NEGR1: variants seen among roughly 807,000 people sequenced by gnomAD.
The protein encoded by NEGR1 is IgLON family member 4.
NEGR1 carries 10 observed loss-of-function variants against 40.9 expected under a neutral mutation model. That is an observed-to-expected ratio of 0.24 (90% CI 0.15 to 0.42). The LOEUF (loss-of-function observed/expected upper bound fraction) is 0.42, where lower values mean the gene tolerates loss of function less well. Among genes scored for constraint, NEGR1 ranks in the 10% least tolerant of loss-of-function variants. NEGR1 has a pLI of 1.00. For missense variants in NEGR1, 352 were observed against 438.9 expected (o/e 0.80, Z 1.77); for synonymous variants, 185 against 166.8 (o/e 1.11, Z -0.84).
At chr1:71,466,689 G>A (rs1418808664) in intron 6 of NEGR1, among the ~76,000 whole-genome samples, 1 of 152,094 alleles carries the variant, frequency 6.6e-6, no homozygotes. Flanking sequence ...CTGAGGTGGA[G>A]CATGTTTGGC....
chr1:72,087,395 C>A (rs1011982381), intron 1 of NEGR1, among the ~76,000 whole-genome samples: 1 of 151,674 alleles, frequency 6.6e-6, no homozygotes, highest in Non-Finnish European at 1.5e-5. Flanking sequence ...TGCGCCACTG[C>A]ACTCCAGCTT....
chr1:71,776,518 G>A lies in NEGR1; in HGVS notation c.410-221C>T, dbSNP rs190495666. Reference sequence around the variant, plus strand: ...AATTTTTGGATGTTAAATACCTCAGGATAAATGGAATATTTAATAACAAAA... The same window carrying A: ...AATTTTTGGATGTTAAATACCTCAGAATAAATGGAATATTTAATAACAAAA... On this transcript the variant is annotated intron_variant, in intron 2 of 6. Coordinates refer to ENST00000357731, the MANE Select transcript of NEGR1 (RefSeq NM_173808.3). Among the ~76,000 whole-genome samples the A allele has an allele frequency of 1.4e-3, 207 of 152,054 alleles. 1 individual carries two copies. The highest frequency in any genetic ancestry group is 0.01 in the Middle Eastern group (3 of 294).
intron 6 of NEGR1, among the ~76,000 whole-genome samples, chr1:71,512,338 A>G (rs1055231034): frequency 6.6e-6 from 1 of 152,198 alleles, no homozygotes; most frequent in South Asian, 2.1e-4. Flanking sequence ...GTGAAAATGG[A>G]AGCAGATTAT....
chr1:72,243,494 GT>G (rs143246929), intron 1 of NEGR1, among the ~76,000 whole-genome samples: 2,047 of 151,798 alleles, frequency 0.013, 26 homozygotes, highest in Non-Finnish European at 0.022. Flanking sequence ...TAAAATAAAA[GT>G]TGGAAATAAA....
chr1:71,535,741 AGAT>A (rs1279888357), intron 6 of NEGR1, among the ~76,000 whole-genome samples: 1 of 151,714 alleles, frequency 6.6e-6, no homozygotes, highest in East Asian at 2.0e-4. Context: ...TACAGGCAGT[AGAT>A]GATGACAGTC....
At chr1:72,007,493 C>A (rs1413380706) in intron 1 of NEGR1, among the ~76,000 whole-genome samples, 2 of 152,042 alleles carry the variant, frequency 1.3e-5, no homozygotes, top group African/African-American at 4.8e-5. Context: ...AGCCAGGGTG[C>A]CCCTGAAGAA....
At chr1:71,436,294 A>C (rs1646509353) in intron 6 of NEGR1, among the ~76,000 whole-genome samples, 1 of 152,126 alleles carries the variant, frequency 6.6e-6, no homozygotes, top group Non-Finnish European at 1.5e-5. Context: ...TTTAAGAACT[A>C]ATAGATATCA....
chr1:72,104,831 A>C (rs1649074655), intron 1 of NEGR1, among the ~76,000 whole-genome samples: 1 of 152,150 alleles, frequency 6.6e-6, no homozygotes, highest in Non-Finnish European at 1.5e-5. Context: ...AAAACAATTA[A>C]ATTGTCATTT....
intron 2 of NEGR1, among the ~76,000 whole-genome samples, chr1:71,818,920 C>A (rs915171065): frequency 6.6e-6 from 1 of 151,830 alleles, no homozygotes; most frequent in Non-Finnish European, 1.5e-5. Context: ...TTTGAAAGTA[C>A]CTATGTGGCT....
chr1:71,499,224 A>G (rs1260826039), intron 6 of NEGR1, among the ~76,000 whole-genome samples: 1 of 152,004 alleles, frequency 6.6e-6, no homozygotes, highest in Non-Finnish European at 1.5e-5. Context: ...ATATCTTTCC[A>G]TATGTATAAG....
At chr1:71,590,431 T>C (rs1329076236) in intron 6 of NEGR1, among the ~76,000 whole-genome samples, 1 of 152,028 alleles carries the variant, frequency 6.6e-6, no homozygotes, top group African/African-American at 2.4e-5. Context: ...TGCTTGACTG[T>C]TTCTCACTTC....
intron 1 of NEGR1, among the ~76,000 whole-genome samples, chr1:72,232,400 A>G (rs1654396436): frequency 6.6e-6 from 1 of 151,960 alleles, no homozygotes; most frequent in African/African-American, 2.4e-5. Flanking sequence ...TTAATTTACA[A>G]TCAAGCATAC....
At chr1:71,955,275 C>T (rs909960737) in intron 1 of NEGR1, among the ~76,000 whole-genome samples, 1 of 151,898 alleles carries the variant, frequency 6.6e-6, no homozygotes, top group Non-Finnish European at 1.5e-5. Flanking sequence ...ATGTGGCCTA[C>T]CAAAAAATAT....
intron 6 of NEGR1, among the ~76,000 whole-genome samples, chr1:71,483,510 G>A (rs1432808906): frequency 6.6e-6 from 1 of 151,692 alleles, no homozygotes; most frequent in East Asian, 1.9e-4. Context: ...CTCCAATGAG[G>A]CATTTGTGTG....
intron 2 of NEGR1, among the ~76,000 whole-genome samples, chr1:71,857,183 C>T (rs1047625812): frequency 1.3e-5 from 2 of 151,958 alleles, no homozygotes; most frequent in African/African-American, 4.8e-5. Context: ...ACAATATAGA[C>T]TTCATTGCTG....
intron 2 of NEGR1, among the ~76,000 whole-genome samples, chr1:71,791,833 A>T (rs1467795579): frequency 2.0e-5 from 3 of 152,114 alleles, no homozygotes; most frequent in African/African-American, 7.2e-5. Flanking sequence ...TGGAGAGGAG[A>T]ATCAGAAAAG....
At chr1:71,415,804 T>C (rs969220095) in intron 6 of NEGR1, among the ~76,000 whole-genome samples, 4 of 152,168 alleles carry the variant, frequency 2.6e-5, no homozygotes, top group Non-Finnish European at 5.9e-5. Context: ...ACAGGTTATT[T>C]TGTATGACCC....
At chr1:71,469,990 T>G (rs949367773) in intron 6 of NEGR1, among the ~76,000 whole-genome samples, 6 of 152,102 alleles carry the variant, frequency 3.9e-5, no homozygotes, top group African/African-American at 1.4e-4. Flanking sequence ...AAGTAAAGTC[T>G]TTTTAGTCTT....
chr1:72,019,879 T>C lies in NEGR1; in HGVS notation c.177-84568A>G, dbSNP rs189814759. On this transcript the variant is annotated intron_variant, in intron 1 of 6. Transcript: ENST00000357731. ...CAATATAAATAAAACCTTATGACTA[T>C]TAATTTGCATTTATGGAGCGCTTAT... Among the ~76,000 whole-genome samples, 23 of 152,348 alleles carry C rather than the reference T, an allele frequency of 1.5e-4. No individual in the cohort carries two copies. The East Asian group carries it at 3.9e-3, about 26-fold the overall frequency.
Sources: gnomAD v4.1 joint callset for allele counts (sites outside exome capture counted in the v4.1 genomes callset) on GRCh38, gnomAD v4.1.1 for gene constraint, MANE v1.5 for transcripts, NCBI Gene and HGNC (gene_info 2026-07-23, HGNC 2026-07-21) for gene names.